The following LRRTM4 variants were observed in gnomAD, a reference collection of about 807,000 sequenced individuals.
LRRTM4 encodes leucine rich repeat transmembrane neuronal 4.
LRRTM4 carries 25 observed loss-of-function variants against 47.6 expected under a neutral mutation model. The ratio of observed to expected loss-of-function variants is 0.53; its 90% CI spans 0.38 to 0.73. The LOEUF (loss-of-function observed/expected upper bound fraction) is 0.73. Among genes scored for constraint, LRRTM4 ranks in the 30% least tolerant of loss-of-function variants. LRRTM4 has a pLI of 0.00. For synonymous variants in LRRTM4, 311 were observed against 269.5 expected, an observed-to-expected ratio of 1.15 and a Z score of -1.51; for missense variants, 638 against 713.4, an observed-to-expected ratio of 0.89 and a Z score of 1.20.
At chr2:77,442,630 G>A (rs1675888582) in intron 3 of LRRTM4, among the ~76,000 whole-genome samples, 1 of 152,084 alleles carries the variant, frequency 6.6e-6, no homozygotes, top group Non-Finnish European at 1.5e-5. Flanking sequence ...ACTTTTTTAA[G>A]CCCCATATAT....
At chr2:77,172,722 A>T (rs2103838001) in intron 3 of LRRTM4, among the ~76,000 whole-genome samples, 1 of 152,356 alleles carries the variant, frequency 6.6e-6, no homozygotes, top group Middle Eastern at 3.4e-3. Context: ...AAAAACGCAT[A>T]GACGGAAATT....
At chr2:77,022,933 T>C (rs1193268024) in intron 3 of LRRTM4, among the ~76,000 whole-genome samples, 2 of 152,188 alleles carry the variant, frequency 1.3e-5, no homozygotes, top group African/African-American at 4.8e-5. Context: ...CAGTAGGGAC[T>C]CTGTGTGAGG....
intron 3 of LRRTM4, among the ~76,000 whole-genome samples, chr2:77,382,226 C>T (rs1355387468): frequency 1.3e-5 from 2 of 151,954 alleles, no homozygotes; most frequent in Non-Finnish European, 1.5e-5. Context: ...CATTGTTTAC[C>T]GTGTGCTTTG....
intron 3 of LRRTM4, among the ~76,000 whole-genome samples, chr2:76,847,410 T>G (rs778507263): frequency 6.6e-6 from 1 of 152,118 alleles, no homozygotes; most frequent in East Asian, 1.9e-4. Context: ...AGTTTACAGT[T>G]TTTTCATGAG....
At chr2:77,082,988 G>C (rs990684228) in intron 3 of LRRTM4, among the ~76,000 whole-genome samples, 3 of 151,964 alleles carry the variant, frequency 2.0e-5, no homozygotes, top group South Asian at 2.1e-4. Flanking sequence ...TCAATAATTT[G>C]ATATTTTCAG....
intron 3 of LRRTM4, chr2:77,517,203 T>C (rs1679243295): frequency 1.0e-6 from 1 of 984,888 alleles, no homozygotes; most frequent in Non-Finnish European, 1.2e-6. Flanking sequence ...CTCACTAACA[T>C]GATCCTGTAA....
chr2:77,081,503 AATAC>A (rs1387882131), intron 3 of LRRTM4, among the ~76,000 whole-genome samples: 1 of 152,116 alleles, frequency 6.6e-6, no homozygotes, highest in Non-Finnish European at 1.5e-5. Context: ...GTAAGAAATT[AATAC>A]ATATATATGT....
At chr2:76,980,949 T>C (rs1268930636) in intron 3 of LRRTM4, among the ~76,000 whole-genome samples, 1 of 152,108 alleles carries the variant, frequency 6.6e-6, no homozygotes, top group Non-Finnish European at 1.5e-5. Flanking sequence ...TGATCTTATC[T>C]ACCTGGTTAA....
intron 3 of LRRTM4, among the ~76,000 whole-genome samples, chr2:77,109,357 G>A (rs1278931351): frequency 6.6e-6 from 1 of 152,182 alleles, no homozygotes; most frequent in Non-Finnish European, 1.5e-5. Flanking sequence ...TAGGAGGAAG[G>A]CTAAAAGATA....
At chr2:77,155,021 A>G (rs1672521688) in intron 3 of LRRTM4, among the ~76,000 whole-genome samples, 1 of 152,148 alleles carries the variant, frequency 6.6e-6, no homozygotes, top group South Asian at 2.1e-4. Context: ...TCCACATAAT[A>G]GGCACTCTAG....
At chr2:77,272,040 A>T (rs1676215463) in intron 3 of LRRTM4, among the ~76,000 whole-genome samples, 3 of 152,086 alleles carry the variant, frequency 2.0e-5, no homozygotes. Context: ...GTTAATTCTT[A>T]GTCCTCCTTC....
At chr2:76,804,025 T>C (rs1675838159) in intron 3 of LRRTM4, among the ~76,000 whole-genome samples, 1 of 152,178 alleles carries the variant, frequency 6.6e-6, no homozygotes, top group Non-Finnish European at 1.5e-5. Flanking sequence ...CTTTCTGTGT[T>C]ACTCTGGGAC....
At chr2:77,123,244 A>AGAGAGAGAGAGAGAGAGAGAGAGAGAGAG (rs1553393782) in intron 3 of LRRTM4, among the ~76,000 whole-genome samples, 1 of 151,338 alleles carries the variant, frequency 6.6e-6, no homozygotes, top group African/African-American at 2.4e-5. Flanking sequence ...AGAGAGAGAG[A>AGAGAGAGAGAGAGAGAGAGAGAGAGAGAG]AATTTAATTC....
chr2:76,832,666 A>G (rs1318492419), intron 3 of LRRTM4, among the ~76,000 whole-genome samples: 1 of 152,112 alleles, frequency 6.6e-6, no homozygotes, highest in Non-Finnish European at 1.5e-5. Flanking sequence ...TCTAAATAAC[A>G]TTCTGATTTC....
rs375242249 is a variant in LRRTM4 at position 76,885,526 on chromosome 2, G to T, written c.1552-136610C>A. On this transcript the variant is annotated intron_variant, in intron 3 of 3. Transcript: ENST00000409884. ...CGCCCAGGCTGGAGTGCAGTGGCGC[G>T]ATCTCGGCTCACTGCAAGCTCCGCC... Among the ~76,000 whole-genome samples, 916 of 149,070 alleles carry T rather than the reference G, an allele frequency of 6.1e-3. 12 individuals carry two copies. The highest frequency in any genetic ancestry group is 0.022 in the African/African-American group (873 of 40,194).
At chr2:77,483,573 T>C (rs533882048) in intron 3 of LRRTM4, among the ~76,000 whole-genome samples, 1 of 152,134 alleles carries the variant, frequency 6.6e-6, no homozygotes, top group African/African-American at 2.4e-5. Context: ...GCCACGGACC[T>C]CAGGTGATCT....
chr2:76,901,449 C>T (rs926699404), intron 3 of LRRTM4, among the ~76,000 whole-genome samples: 4 of 151,964 alleles, frequency 2.6e-5, no homozygotes, highest in African/African-American at 9.7e-5. Context: ...TCTAGTCTAT[C>T]ATTTAAAATG....
chr2:77,085,570 G>T (rs1362687309), intron 3 of LRRTM4, among the ~76,000 whole-genome samples: 2 of 151,886 alleles, frequency 1.3e-5, no homozygotes, highest in African/African-American at 2.4e-5. Flanking sequence ...GTATTCTAGG[G>T]AAAAAATACT....
chr2:77,275,664 G>A lies in LRRTM4; in HGVS notation c.1551+242654C>T, dbSNP rs374407478. ...TTAGGCTTCTAGGGACCTGCGATGT[G>A]TTCCTCTTCTGCTGGACCTCACCTG... On this transcript the variant is annotated intron_variant, in intron 3 of 3. Coordinates refer to ENST00000409884, the MANE Select transcript of LRRTM4 (RefSeq NM_001134745.3). 1.6e-4 allele frequency among the ~76,000 whole-genome samples: 25 copies of A among 152,174 alleles called. No homozygotes were observed. The South Asian group carries it at 4.4e-3, about 26-fold the overall frequency.
Sources: gnomAD v4.1 joint callset for allele counts (sites outside exome capture counted in the v4.1 genomes callset) on GRCh38, gnomAD v4.1.1 for gene constraint, MANE v1.5 for transcripts, NCBI Gene and HGNC (gene_info 2026-07-23, HGNC 2026-07-21) for gene names.